Variants in LEKR1 observed in about 807,000 individuals in gnomAD.
LEKR1 encodes protein LEKR1.
In LEKR1, 59 loss-of-function variants were observed where a neutral mutation model predicts 72.4. The observed-to-expected ratio is 0.82, with a 90% CI of 0.66 to 1.01. The LOEUF (loss-of-function observed/expected upper bound fraction) is 1.01. Ranked by LOEUF, LEKR1 falls within the 50% of genes least tolerant of loss-of-function variation. The probability of loss-of-function intolerance (pLI) is 0.00; values close to 1 mark genes in which losing one functional copy is unlikely to be tolerated. For synonymous variants in LEKR1, 257 were observed against 263.2 expected (o/e 0.98, Z 0.23); for missense variants, 728 against 759.2 (o/e 0.96, Z 0.48).
rs185401545 is a variant in LEKR1, at chr3:157,036,112, A to G, written c.1668+7710A>G. On this transcript the variant is annotated intron_variant, in intron 12 of 12. Transcript: ENST00000356539. The stretch of plus-strand genomic sequence containing the variant: ...TATTTGAGAAACATCTCTAATGTGA[A>G]GAACAGAAACAATAAGCAAAAAAGA... 1.5e-4 allele frequency among the ~76,000 whole-genome samples: 23 copies of G among 152,330 alleles called. No homozygotes were observed. The East Asian group carries it at 4.2e-3, about 28-fold the overall frequency.
rs1734350709 is a variant in LEKR1, at chr3:157,028,279, T to C, written c.1545T>C (p.Ile515=). 1 of 1,613,506 alleles carries C rather than the reference T, an allele frequency of 6.2e-7. No homozygotes were observed. The highest frequency in any genetic ancestry group is 8.5e-7 in the Non-Finnish European group (1 of 1,179,726). ...AEFESRLKKE[I]DSNDSVSENL... is the part of the protein sequence containing the mutation. ...TTGAATCTCGCTTGAAGAAGGAAATTGACAGTAATGATTCAGTTTCAGAAA... is the reference window on the plus strand; with the variant it reads ...TTGAATCTCGCTTGAAGAAGGAAATCGACAGTAATGATTCAGTTTCAGAAA... Residue 515 remains isoleucine (I), a synonymous_variant, in exon 12 of 13, where the codon ATT becomes ATC. Transcript: ENST00000356539.
chr3:157,006,798 G>A (rs552657458), intron 9 of LEKR1, among the ~76,000 whole-genome samples: 1 of 152,330 alleles, frequency 6.6e-6, no homozygotes, highest in South Asian at 2.1e-4. Flanking sequence ...TGTATTTTCA[G>A]AATATACAGT....
At chr3:156,883,758 C>G (rs1444108882) in intron 3 of LEKR1, among the ~76,000 whole-genome samples, 1 of 152,162 alleles carries the variant, frequency 6.6e-6, no homozygotes, top group Non-Finnish European at 1.5e-5. Context: ...GCCTCCCCAG[C>G]CATGTGGAAC....
chr3:156,865,514 T>C (rs2108543980), intron 3 of LEKR1, among the ~76,000 whole-genome samples: 1 of 152,182 alleles, frequency 6.6e-6, no homozygotes, highest in East Asian at 1.9e-4. Context: ...TAAATATTTC[T>C]TGAATCTGTC....
intron 10 of LEKR1, among the ~76,000 whole-genome samples, chr3:157,012,934 C>T (rs1000869132): frequency 6.6e-6 from 1 of 151,978 alleles, no homozygotes; most frequent in African/African-American, 2.4e-5. Context: ...ATTATCAACC[C>T]TATTTTGTAT....
intron 3 of LEKR1, among the ~76,000 whole-genome samples, chr3:156,866,030 G>A (rs2108544257): frequency 6.6e-6 from 1 of 152,128 alleles, no homozygotes; most frequent in East Asian, 1.9e-4. Context: ...TAAGTTCCAT[G>A]AAAACCAGTC....
intron 6 of LEKR1, among the ~76,000 whole-genome samples, chr3:156,960,267 T>C (rs1727999906): frequency 6.6e-6 from 1 of 152,154 alleles, no homozygotes; most frequent in African/African-American, 2.4e-5. Flanking sequence ...GATTCAAGTA[T>C]ATGATTTTTG....
At chr3:156,972,614 T>C (rs1316408118) in intron 6 of LEKR1, among the ~76,000 whole-genome samples, 1 of 151,692 alleles carries the variant, frequency 6.6e-6, no homozygotes, top group Non-Finnish European at 1.5e-5. Context: ...TTGATTGTAA[T>C]TTATATAAGG....
At chr3:156,916,884 T>C (rs1723706826) in intron 3 of LEKR1, among the ~76,000 whole-genome samples, 2 of 152,074 alleles carry the variant, frequency 1.3e-5, no homozygotes, top group African/African-American at 4.8e-5. Context: ...ATGATGTTGG[T>C]TGTGAGAGTA....
intron 3 of LEKR1, among the ~76,000 whole-genome samples, chr3:156,919,907 A>G (rs1017357683): frequency 6.6e-6 from 1 of 152,166 alleles, no homozygotes; most frequent in Non-Finnish European, 1.5e-5. Flanking sequence ...TTCATTCATT[A>G]TACCAAAAGT....
At chr3:156,891,142 G>A (rs62275250) in intron 3 of LEKR1, among the ~76,000 whole-genome samples, 4,839 of 152,082 alleles carry the variant, frequency 0.032, 116 homozygotes, top group Non-Finnish European at 0.047. Context: ...AAAGTGCTGG[G>A]ATTACAGGCG....
chr3:156,888,086 A>G (rs1198029324), intron 3 of LEKR1, among the ~76,000 whole-genome samples: 2 of 152,154 alleles, frequency 1.3e-5, no homozygotes, highest in Admixed American at 1.3e-4. Flanking sequence ...ATGTAGCCTT[A>G]GTTCATGTAG....
chr3:156,977,500 G>A, intron 6 of LEKR1: 1 of 428,532 alleles, frequency 2.3e-6, no homozygotes, highest in South Asian at 2.0e-5. Flanking sequence ...ATCTCCCTTA[G>A]GTCATAGTGC....
chr3:157,026,178 A>G (rs891940604), intron 11 of LEKR1, among the ~76,000 whole-genome samples: 2 of 152,126 alleles, frequency 1.3e-5, no homozygotes, highest in African/African-American at 4.8e-5. Context: ...TGCCTCCCCT[A>G]GAGGGTTCTC....
chr3:156,984,162 A>G (rs1730478315), intron 7 of LEKR1, among the ~76,000 whole-genome samples: 1 of 152,210 alleles, frequency 6.6e-6, no homozygotes, highest in Non-Finnish European at 1.5e-5. Flanking sequence ...ATGCACATAC[A>G]CATGCATATG....
At chr3:156,827,027 T>G (rs905555910) in intron 1 of LEKR1, 1 of 153,884 alleles carries the variant, frequency 6.5e-6, no homozygotes, top group Non-Finnish European at 1.5e-5. Context: ...CACTTATCAC[T>G]GCACCTCTTG....
At chr3:156,991,093 AG>A (rs1731112831) in intron 7 of LEKR1, among the ~76,000 whole-genome samples, 1 of 152,200 alleles carries the variant, frequency 6.6e-6, no homozygotes, top group South Asian at 2.1e-4. Flanking sequence ...TTAAAATAAA[AG>A]CAAAATTAAA....
intron 6 of LEKR1, among the ~76,000 whole-genome samples, chr3:156,962,462 G>A (rs1728210828): frequency 2.0e-5 from 3 of 152,174 alleles, no homozygotes; most frequent in African/African-American, 7.2e-5. Context: ...CTGATCTCTA[G>A]ACAAATTGCA....
intron 3 of LEKR1, among the ~76,000 whole-genome samples, chr3:156,898,646 C>G (rs966738767): frequency 6.6e-6 from 1 of 152,122 alleles, no homozygotes; most frequent in East Asian, 1.9e-4. Context: ...ATAATAAAAT[C>G]TCTTAGAAGC....
Sources: allele counts gnomAD v4.1 joint callset (sites outside exome capture counted in the v4.1 genomes callset), GRCh38; gene constraint gnomAD v4.1.1; transcripts MANE v1.5; gene names NCBI Gene and HGNC (gene_info 2026-07-23, HGNC 2026-07-21).